The following DACT2 variants were observed in gnomAD, a reference collection of about 807,000 sequenced individuals.
DACT2 encodes the protein dishevelled binding antagonist of beta catenin 2.
DACT2 carries 20 observed loss-of-function variants against 22.2 expected under a neutral mutation model. The ratio of observed to expected loss-of-function variants is 0.90; its 90% CI spans 0.63 to 1.31. DACT2 has a LOEUF of 1.31. Ranked by LOEUF, DACT2 falls within the 50% of genes most tolerant of loss-of-function variation. The probability of loss-of-function intolerance (pLI) is 0.00; values close to 1 mark genes in which losing one functional copy is unlikely to be tolerated. For synonymous variants in DACT2, 463 were observed against 479.8 expected (o/e 0.96, Z 0.46); for missense variants, 1,048 against 1,061.4 (o/e 0.99, Z 0.18).
chr6:168,303,027 C>A (rs572789169), downstream of DACT2, among the ~76,000 whole-genome samples: 22 of 152,312 alleles, frequency 1.4e-4, no homozygotes, highest in African/African-American at 5.3e-4. Context: ...AAAAACTAGG[C>A]ACCATCACAT....
At chr6:168,318,977 CGGG>C (rs5881778) in intron 1 of DACT2, among the ~76,000 whole-genome samples, 145,262 of 152,052 alleles carry the variant, frequency 0.96, 69,463 homozygotes, top group East Asian at 1. Context: ...ACCTGGTCCC[CGGG>C]GGGGGAGTGA....
In DACT2 at chr6:168,308,014, C is replaced by T; in HGVS notation, c.1743G>A (p.Glu581=). ...GGGCTTGGGCTGAGGTCCGGTGGCT[C>T]TCCTGCGGGGCCACTGCCAAGGGGA... The part of the protein sequence containing the change: ...VLVPLAVAPQ[E]SHRTSAQALF... Residue 581 remains glutamate (E), a synonymous_variant, in exon 4 of 4, where the codon GAG becomes GAA. Transcript: ENST00000366795. 1 of 1,550,470 alleles carries T rather than the reference C, an allele frequency of 6.4e-7. No homozygotes were observed. The highest frequency in any genetic ancestry group is 1.2e-5 in the South Asian group (1 of 83,852).
chr6:168,311,040 C>T (rs1779384882), intron 2 of DACT2, 112 bp downstream of exon 2: 6 of 1,362,952 alleles, frequency 4.4e-6, no homozygotes, highest in South Asian at 1.8e-5. Flanking sequence ...TGCACGGACA[C>T]TAGGATACCT....
At chr6:168,294,181 C>G in exon 5 of DACT2, 1 of 702,982 alleles carries the variant, frequency 1.4e-6, no homozygotes, top group Non-Finnish European at 2.6e-6. Flanking sequence ...ACTTTCCTCT[C>G]AAACCAGAAC....
At chr6:168,311,044 G>C in intron 2 of DACT2, 108 bp downstream of exon 2, 5 of 1,368,594 alleles carry the variant, frequency 3.7e-6, no homozygotes, top group Non-Finnish European at 4.8e-6. Flanking sequence ...CGGACACTAG[G>C]ATACCTGGAA....
intron 3 of DACT2, among the ~76,000 whole-genome samples, chr6:168,300,918 G>A (rs7758343): frequency 0.2 from 30,048 of 152,074 alleles, 3,471 homozygotes; most frequent in African/African-American, 0.32. Flanking sequence ...CCTGGGAGGC[G>A]GAGGTTGCAG....
intron 3 of DACT2, chr6:168,298,592 C>CTGA (rs1779046948): frequency 6.6e-6 from 1 of 152,224 alleles, no homozygotes; most frequent in East Asian, 1.9e-4. Flanking sequence ...GGGAGGTTAG[C>CTGA]ATCTTCCCTA....
rs149243529 is a variant in DACT2, at chr6:168,310,240, C to T, written c.586G>A (p.Ala196Thr). 3.2e-4 allele frequency: 495 copies of T among 1,551,182 alleles called. 5 individuals are homozygous for T. In the African/African-American group the frequency reaches 5.9e-3, roughly 19 times the overall value. Residue 196 changes from alanine (A) to threonine (T), a missense_variant, in exon 3 of 4, where the codon GCC (alanine) becomes ACC (threonine). Ala to Thr is a moderately conservative substitution (Grantham distance 58, BLOSUM62 0). Coordinates refer to ENST00000366795, the MANE Select transcript of DACT2 (RefSeq NM_214462.5). ...AWRPQATEEG[A>T]RPPGSVEDAG... is the part of the protein sequence containing the mutation. ...TCCTCCACGCTCCCTGGGGGCCTGG[C>T]GCCCTCCTCGGTAGCCTGGGGTCTC...
At chr6:168,315,062 C>G (rs540888190) in intron 1 of DACT2, among the ~76,000 whole-genome samples, 4 of 152,140 alleles carry the variant, frequency 2.6e-5, no homozygotes, top group African/African-American at 9.7e-5. Context: ...CATGTTGATG[C>G]GGCAGAATCA....
At chr6:168,297,299 A>G (rs1779024608) in intron 3 of DACT2, among the ~76,000 whole-genome samples, 1 of 152,212 alleles carries the variant, frequency 6.6e-6, no homozygotes, top group Non-Finnish European at 1.5e-5. Context: ...CAAGGGAATT[A>G]GGTGGCTATC....
chr6:168,318,235 A>G (rs894657799), intron 1 of DACT2, among the ~76,000 whole-genome samples: 1 of 152,288 alleles, frequency 6.6e-6, no homozygotes, highest in Non-Finnish European at 1.5e-5. Flanking sequence ...AAGTCTGTAC[A>G]CCAGCTACTT....
chr6:168,315,987 A>G (rs1779534830), intron 1 of DACT2, among the ~76,000 whole-genome samples: 1 of 152,242 alleles, frequency 6.6e-6, no homozygotes, highest in South Asian at 2.1e-4. Flanking sequence ...CTGATGTCAC[A>G]CAAATTCAAT....
exon 6 of DACT2, chr6:168,292,976 G>A (rs924144615): frequency 1.7e-4 from 26 of 152,058 alleles, no homozygotes; most frequent in Non-Finnish European, 3.7e-4. Flanking sequence ...ATGAACATAA[G>A]ATACAATCCT....
intron 1 of DACT2, 56 bp from the exon 2 acceptor site, chr6:168,311,340 AG>A (rs1779392778): frequency 6.8e-7 from 1 of 1,474,982 alleles, no homozygotes; most frequent in African/African-American, 1.4e-5. Context: ...GCAAAACTTA[AG>A]GCTCAAAGGG....
Position 168,307,335 on chromosome 6 carries a change from A to T in DACT2, c.*97T>A. 6.7e-7 allele frequency: 1 copy of T among 1,497,420 alleles called. No individual in the cohort carries two copies. The highest frequency in any genetic ancestry group is 8.9e-7 in the Non-Finnish European group (1 of 1,123,872). 92.8% of individuals were successfully genotyped at this position (1,497,420 alleles called of 1,614,324 possible). The stretch of plus-strand genomic sequence containing the variant: ...AACGGTGGCCTCGGAAGATAAAGCG[A>T]CTTGGCAAGACGACACTGAAACCCA... On this transcript the variant is annotated 3_prime_UTR_variant, in exon 4 of 4. Coordinates refer to ENST00000366795, the MANE Select transcript of DACT2 (RefSeq NM_214462.5). The surrounding 1 kb of genome is among the most constrained non-coding windows in gnomAD (Gnocchi z 5.3).
chr6:168,319,254 TCCATTCAAATCC>T, intron 1 of DACT2, 122 bp downstream of exon 1: 2 of 854,954 alleles, frequency 2.3e-6, no homozygotes, highest in Non-Finnish European at 3.0e-6. Flanking sequence ...CGAACTGCAT[TCCATTCAAATCC>T]CAAAGGACGT....
rs1184766510 is a variant in DACT2, at chr6:168,294,516, G to C, written c.730+117C>G. 3 of 643,342 alleles carry C rather than the reference G, an allele frequency of 4.7e-6. No homozygotes were observed. In the African/African-American group the frequency reaches 6.3e-5, roughly 14 times the overall value. The allele number at this position is 643,342 out of a possible 1,614,324, so 39.9% of individuals were successfully genotyped here. A position where few individuals can be genotyped will look rare whatever the true frequency, so the allele number is the denominator to read the frequency against. ...CCCGGTGTGTGATGTTCCCCTTTCT[G>C]TGTACCCTAGAACTTAAAGTATAAT... is the stretch of plus-strand genomic sequence containing the variant. On this transcript the variant is annotated intron_variant, in intron 4 of 5. Coordinates refer to the DACT2 transcript ENST00000366796.
chr6:168,303,367 G>C (rs1454301641), downstream of DACT2, among the ~76,000 whole-genome samples: 1 of 152,188 alleles, frequency 6.6e-6, no homozygotes, highest in Non-Finnish European at 1.5e-5. Flanking sequence ...CATGGGGGCA[G>C]AACCCTCATG....
downstream of DACT2, among the ~76,000 whole-genome samples, chr6:168,302,833 T>C (rs1779134335): frequency 6.6e-6 from 1 of 152,198 alleles, no homozygotes; most frequent in African/African-American, 2.4e-5. Context: ...AAAAGGGCTG[T>C]GTCTGCTGGA....
Sources: gnomAD v4.1 joint callset for allele counts (sites outside exome capture counted in the v4.1 genomes callset) on GRCh38, gnomAD v4.1.1 for gene constraint, Gnocchi (gnomAD v3.1) non-coding constraint, MANE v1.5 for transcripts, NCBI Gene and HGNC (gene_info 2026-07-23, HGNC 2026-07-21) for gene names.